Variants in ARMC3 observed in about 807,000 individuals in gnomAD.
ARMC3 encodes the protein armadillo repeat containing 3, also known as armadillo repeat-containing protein 3.
A neutral mutation model predicts 90.3 loss-of-function variants in ARMC3; 74 were observed. The observed-to-expected ratio is 0.82, with a 90% CI of 0.68 to 0.99. The LOEUF (loss-of-function observed/expected upper bound fraction) is 0.99, where lower values mean the gene tolerates loss of function less well. Among genes scored for constraint, ARMC3 ranks in the 50% least tolerant of loss-of-function variants. The probability of loss-of-function intolerance (pLI) is 0.00; values close to 1 mark genes in which losing one functional copy is unlikely to be tolerated. For synonymous variants in ARMC3, 334 were observed against 361.8 expected, an observed-to-expected ratio of 0.92 and a Z score of 0.87; for missense variants, 958 against 1,042.8, an observed-to-expected ratio of 0.92 and a Z score of 1.12.
At chr10:23,009,121 T>C (rs1413833421) in intron 16 of ARMC3, among the ~76,000 whole-genome samples, 190 bp downstream of exon 16, 1 of 152,256 alleles carries the variant, frequency 6.6e-6, no homozygotes, top group African/African-American at 2.4e-5. Flanking sequence ...AATTGTCTTC[T>C]GGCTCTGGCC....
intron 16 of ARMC3, among the ~76,000 whole-genome samples, chr10:23,027,368 A>C (rs1258650794): frequency 6.6e-6 from 1 of 152,164 alleles, no homozygotes; most frequent in Non-Finnish European, 1.5e-5. Context: ...TTTATCTGTA[A>C]GTATTTTATT....
chr10:22,955,904 T>C lies in ARMC3; in HGVS notation c.264T>C (p.Thr88=). The C allele has an allele frequency of 6.2e-7, 1 of 1,609,658 alleles. No homozygotes were observed. Among genetic ancestry groups the C allele is most frequent in the Non-Finnish European group, 8.5e-7 (1 of 1,176,074 alleles). The change falls in exon 4 of 19, where the codon ACT becomes ACC. Residue 88 remains threonine, a synonymous_variant. Transcript: ENST00000298032. ...ACAAAATTGTAAGAAGAAATGCTAC[T>C]ATGATATTTGGAATCCTGGCTTCTA... ...HEDKIVRRNA[T]MIFGILASNN...
intron 16 of ARMC3, chr10:23,014,172 C>A (rs1465994940): frequency 3.2e-6 from 5 of 1,548,948 alleles, no homozygotes; most frequent in Non-Finnish European, 4.4e-6. Flanking sequence ...GAGGAGAACA[C>A]AGAGACTTTG....
chr10:22,953,388 A>C (rs932102293), intron 3 of ARMC3, among the ~76,000 whole-genome samples: 1 of 151,388 alleles, frequency 6.6e-6, no homozygotes, highest in Admixed American at 6.6e-5. Context: ...CAGCAGCAAT[A>C]AGAAAAAAAT....
rs1046911982 is a variant in ARMC3, at chr10:23,006,808, T to C, written c.1732-76T>C. 90 of 1,166,734 alleles carry C rather than the reference T, an allele frequency of 7.7e-5. 1 individual carries two copies. The highest frequency in any genetic ancestry group is 1.1e-4 in the Non-Finnish European group (87 of 777,258). 72.3% of individuals were successfully genotyped at this position (1,166,734 alleles called of 1,614,324 possible). A position where few individuals can be genotyped will look rare whatever the true frequency, so the allele number is the denominator to read the frequency against. On this transcript the variant is annotated intron_variant, in intron 13 of 18. Transcript: ENST00000298032. Reference sequence around the variant, plus strand: ...ATGAGACACCGCAAACAGCTGAGAATATATTCTATCTGTATTCATTTTCGA... The same window carrying C: ...ATGAGACACCGCAAACAGCTGAGAACATATTCTATCTGTATTCATTTTCGA...
At chr10:22,946,112 G>A (rs1006317785) in intron 2 of ARMC3, 32 bp from the exon 3 acceptor site, 3 of 1,436,396 alleles carry the variant, frequency 2.1e-6, no homozygotes, top group Non-Finnish European at 1.9e-6. Context: ...AAGCTCATAT[G>A]TGAAACTGAT....
intron 13 of ARMC3, 73 bp downstream of exon 13, chr10:23,003,487 T>C: frequency 7.5e-6 from 9 of 1,192,882 alleles, no homozygotes; most frequent in Non-Finnish European, 1.0e-5. Flanking sequence ...GCCATTACAT[T>C]GCCATTTCAT....
rs1467760648 is a variant in ARMC3 at position 22,981,333 on chromosome 10, A to G, written c.917-7A>G. The G allele has an allele frequency of 1.3e-6, 2 of 1,592,848 alleles. No homozygotes were observed. The highest frequency in any genetic ancestry group is 4.5e-5 in the East Asian group (2 of 44,736). ...TTCTGAATTTTTTTCCCTTTGGTGT[A>G]TGAAAGCTGAAAATAGAAAACTTTT... is the stretch of plus-strand genomic sequence containing the variant. On this transcript the variant is annotated splice_region_variant and splice_polypyrimidine_tract_variant and intron_variant, in intron 8 of 18. Coordinates refer to ENST00000298032, the MANE Select transcript of ARMC3 (RefSeq NM_173081.5).
intron 3 of ARMC3, among the ~76,000 whole-genome samples, chr10:22,949,171 T>G (rs1298239911): frequency 6.6e-6 from 1 of 152,166 alleles, no homozygotes; most frequent in African/African-American, 2.4e-5. Flanking sequence ...TCCAAGTAAC[T>G]TAATTTGTCC....
chr10:22,955,394 G>A (rs922435918), intron 3 of ARMC3: 1 of 160,826 alleles, frequency 6.2e-6, no homozygotes, highest in African/African-American at 2.4e-5. Flanking sequence ...CCAAAGGTAT[G>A]AGAAAATAGG....
In ARMC3 at chr10:22,955,790, T is replaced by C; in HGVS notation, c.167-17T>C. ...CGATAATATCCATGTGTGGTTTTGT[T>C]TTACGTGTGATGTCAGGTGAGGAAA... On this transcript the variant is annotated splice_polypyrimidine_tract_variant and intron_variant, in intron 3 of 18. Transcript: ENST00000298032. 1.9e-6 allele frequency: 3 copies of C among 1,613,200 alleles called. No homozygotes were observed. The highest frequency in any genetic ancestry group is 2.5e-6 in the Non-Finnish European group (3 of 1,179,598).
chr10:23,012,851 T>C (rs924776363), intron 16 of ARMC3, among the ~76,000 whole-genome samples: 7 of 150,970 alleles, frequency 4.6e-5, no homozygotes, highest in African/African-American at 1.2e-4. Context: ...CATAAACCCG[T>C]CCTCCATGCA....
At chr10:23,024,212 A>G (rs1838621371) in intron 16 of ARMC3, among the ~76,000 whole-genome samples, 1 of 152,210 alleles carries the variant, frequency 6.6e-6, no homozygotes, top group Non-Finnish European at 1.5e-5. Flanking sequence ...GTCAACCACA[A>G]GTATCTGGTG....
intron 10 of ARMC3, among the ~76,000 whole-genome samples, chr10:22,985,877 G>A (rs1221024646): frequency 1.3e-5 from 2 of 152,080 alleles, no homozygotes; most frequent in African/African-American, 4.8e-5. Flanking sequence ...CTCTTCCCAT[G>A]CAGGCTGTGG....
At chr10:22,973,334 A>AAT (rs1413705403) in intron 8 of ARMC3, among the ~76,000 whole-genome samples, 16 of 145,522 alleles carry the variant, frequency 1.1e-4, no homozygotes, top group Non-Finnish European at 1.5e-5. Context: ...TAATAATAAT[A>AAT]AATCCTAACA....
At chr10:23,024,877 G>C (rs1203794940) in intron 16 of ARMC3, among the ~76,000 whole-genome samples, 1 of 152,166 alleles carries the variant, frequency 6.6e-6, no homozygotes, top group Non-Finnish European at 1.5e-5. Flanking sequence ...TTTGACATAG[G>C]TAGGCTGAAA....
At position 22,961,793 on chromosome 10, in the gene ARMC3, C is replaced by G. The variant is rs1435014116; in HGVS notation, c.538-91C>G. The G allele has an allele frequency of 2.7e-6, 3 of 1,108,012 alleles. No homozygotes were observed. The African/African-American group carries it at 4.8e-5, about 18-fold the overall frequency. The allele number at this position is 1,108,012 out of a possible 1,614,324, so 68.6% of individuals were successfully genotyped here. A position where few individuals can be genotyped will look rare whatever the true frequency, so the allele number is the denominator to read the frequency against. Reference sequence around the variant, plus strand: ...GGAATAAAAGATGGGCAAATTATAACTTATGTTCTTGTGTTAGAAAACAGA... The same window carrying G: ...GGAATAAAAGATGGGCAAATTATAAGTTATGTTCTTGTGTTAGAAAACAGA... On this transcript the variant is annotated intron_variant, in intron 6 of 18. Coordinates refer to ENST00000298032, the MANE Select transcript of ARMC3 (RefSeq NM_173081.5).
intron 15 of ARMC3, among the ~76,000 whole-genome samples, 160 bp downstream of exon 15, chr10:23,008,534 G>C (rs1396929308): frequency 6.6e-6 from 1 of 152,174 alleles, no homozygotes; most frequent in Non-Finnish European, 1.5e-5. Context: ...AAGATCTCTG[G>C]AATAGGAGCC....
In ARMC3 at chr10:23,004,344, A is replaced by G. The variant is rs555185350; in HGVS notation, c.1731+930A>G. Reference sequence around the variant, plus strand: ...AATCCCATTTTAAGCAAAACTAGGAAGCAGATATGATCTGCAGACTTCAAA... The same window carrying G: ...AATCCCATTTTAAGCAAAACTAGGAGGCAGATATGATCTGCAGACTTCAAA... On this transcript the variant is annotated intron_variant, in intron 13 of 18. Coordinates refer to ENST00000298032, the MANE Select transcript of ARMC3 (RefSeq NM_173081.5). 2.0e-5 allele frequency among the ~76,000 whole-genome samples: 3 copies of G among 152,286 alleles called. No individual in the cohort carries two copies. The East Asian group carries it at 5.8e-4, about 29-fold the overall frequency.
Sources: allele counts gnomAD v4.1 joint callset (sites outside exome capture counted in the v4.1 genomes callset), GRCh38; gene constraint gnomAD v4.1.1; transcripts MANE v1.5; gene names NCBI Gene and HGNC (gene_info 2026-07-23, HGNC 2026-07-21).